RALGDS: variants seen among roughly 807,000 people sequenced by gnomAD.
The protein encoded by RALGDS is ral guanine nucleotide exchange factor.
Under a neutral mutation model 99.8 loss-of-function variants are expected in RALGDS, and 44 were observed. The ratio of observed to expected loss-of-function variants is 0.44; its 90% CI spans 0.35 to 0.57. The LOEUF (loss-of-function observed/expected upper bound fraction) is 0.57. Among genes scored for constraint, RALGDS ranks in the 20% least tolerant of loss-of-function variants. The pLI, the probability that RALGDS is intolerant of heterozygous loss-of-function variation, is 0.01. For missense variants in RALGDS, 1,022 were observed against 1,203.1 expected, an observed-to-expected ratio of 0.85 and a Z score of 2.23; for synonymous variants, 529 against 505.0, an observed-to-expected ratio of 1.05 and a Z score of -0.64.
chr9:133,137,563 A>G (rs1167880578), intron 1 of RALGDS, among the ~76,000 whole-genome samples: 1 of 152,204 alleles, frequency 6.6e-6, no homozygotes, highest in Admixed American at 6.5e-5. Context: ...CCCTCCCATT[A>G]AAGTGCTTTC....
chr9:133,104,364 C>A (rs598499), intron 9 of RALGDS, 33 bp from the exon 10 acceptor site: 23 of 1,579,080 alleles, frequency 1.5e-5, no homozygotes, highest in South Asian at 6.6e-5. Flanking sequence ...CAGCAAGGCC[C>A]TATCCCCTCA....
chr9:133,111,917 C>G (rs1831361583), intron 2 of RALGDS, 125 bp downstream of exon 2: 1 of 746,170 alleles, frequency 1.3e-6, no homozygotes, highest in Middle Eastern at 2.3e-4. Context: ...CTGGGCTGGA[C>G]AGTGGGGGTC....
chr9:133,121,239 C>A lies in RALGDS; in HGVS notation c.-85G>T. On this transcript the variant is annotated 5_prime_UTR_variant, in exon 1 of 18. Transcript: ENST00000372050. ...CCCGCGCGGCTGGGCTTTGCCACCG[C>A]TGTGAGCCCGCGGCCCGGCCCTGCT... 2 of 980,318 alleles carry A rather than the reference C, an allele frequency of 2.0e-6. No individual in the cohort carries two copies. Among genetic ancestry groups the A allele is most frequent in the Non-Finnish European group, 1.2e-6 (1 of 826,620 alleles). The allele number at this position is 980,318 out of a possible 1,614,324, so 60.7% of individuals were successfully genotyped here.
At position 133,118,244 on chromosome 9, in the gene RALGDS, G is replaced by A. The variant is rs559542400; in HGVS notation, c.183+2728C>T. Among the ~76,000 whole-genome samples, 15 of 152,352 alleles carry A rather than the reference G, an allele frequency of 9.8e-5. No individual in the cohort carries two copies. In the East Asian group the frequency reaches 2.9e-3, roughly 29 times the overall value. On this transcript the variant is annotated intron_variant, in intron 1 of 17. Coordinates refer to ENST00000372050, the MANE Select transcript of RALGDS (RefSeq NM_006266.4). ...ACACCCACACAGGGACAGGCCCTTT[G>A]CCTTGGGGTCTTCAGTGTCAAAGTG...
chr9:133,107,725 C>T lies in RALGDS; in HGVS notation c.1197+263G>A, dbSNP rs971351316. Among the ~76,000 whole-genome samples the T allele has an allele frequency of 5.2e-5, 8 of 152,386 alleles. No individual in the cohort carries two copies. In the Middle Eastern group the frequency reaches 0.01, roughly 194 times the overall value. On this transcript the variant is annotated intron_variant, in intron 6 of 17. Transcript: ENST00000372050. ...GCACCTTGGTGAGCACCCTCCGCTCCCACAGGCCAGGCCTGCTGAGCTTCC... is the reference window on the plus strand; with the variant it reads ...GCACCTTGGTGAGCACCCTCCGCTCTCACAGGCCAGGCCTGCTGAGCTTCC...
At position 133,108,392 on chromosome 9, in the gene RALGDS, G is replaced by A. The variant is rs1831176697; in HGVS notation, c.793C>T (p.Pro265Ser). ...AGCTCTGGAGTTGGTTTTAGAGCTG[G>A]CACTGGTGACAGAGCTGCAAGAGGA... ...EAEPEALSPV[P>S]ALKPTPELEL... Residue 265 changes from proline to serine, a missense_variant, in exon 6 of 18, where the codon CCA (proline) becomes TCA (serine). Coordinates refer to ENST00000372050, the MANE Select transcript of RALGDS (RefSeq NM_006266.4). 6.5e-7 allele frequency: 1 copy of A among 1,536,764 alleles called. No individual in the cohort carries two copies. Among genetic ancestry groups the A allele is most frequent in the Non-Finnish European group, 8.7e-7 (1 of 1,146,810 alleles).
rs377193380 is a variant in RALGDS at position 133,102,804 on chromosome 9, C to T, written c.1888G>A (p.Val630Met). Residue 630 changes from valine to methionine, a missense_variant, in exon 13 of 18, where the codon GTG becomes ATG. Around this residue, in one of 3 missense-constraint regions of RALGDS, gnomAD observed 825 missense variants for 994.5 expected, o/e 0.83. Coordinates refer to ENST00000372050, the MANE Select transcript of RALGDS (RefSeq NM_006266.4). ...DEQFGAWFRA[V>M]ERLSETESYN... ...CTCTCAGTCTCGCTGAGCCGCTCCA[C>T]GGCCCGGAACCAGGCCCCAAATTGC... is the stretch of plus-strand genomic sequence containing the variant. 7.3e-5 allele frequency: 118 copies of T among 1,613,050 alleles called. No individual in the cohort carries two copies. The highest frequency in any genetic ancestry group is 3.5e-4 in the South Asian group (32 of 90,968).
intron 17 of RALGDS, chr9:133,099,000 C>CT: frequency 1.9e-6 from 1 of 519,440 alleles, no homozygotes; most frequent in Non-Finnish European, 3.5e-6. Context: ...CAGAACCCCC[C>CT]GGCTTGGCCT....
intron 1 of RALGDS, among the ~76,000 whole-genome samples, chr9:133,114,078 G>C (rs1202995020): frequency 5.9e-5 from 9 of 152,210 alleles, no homozygotes; most frequent in African/African-American, 2.2e-4. Context: ...TGAGCTGGCA[G>C]GCCAGCAGCT....
At chr9:133,098,825 C>A in intron 17 of RALGDS, 63 bp from the exon 18 acceptor site, 1 of 1,525,394 alleles carries the variant, frequency 6.6e-7, no homozygotes, top group South Asian at 1.1e-5. Context: ...GATACCCCTA[C>A]CGCTTGAGAG....
rs1830762146 is a variant in RALGDS at position 133,101,660 on chromosome 9, T to C, written c.2314A>G (p.Thr772Ala). The change falls in exon 16 of 18, where the codon ACA becomes GCA. Residue 772 changes from threonine (T) to alanine (A), a missense_variant. Transcript: ENST00000372050. ...GAGACAGAGCGCTTGTGGGTGCGTG[T>C]GGCAGCCACGGGCGTGGTGGAGGCT... Reference protein sequence around the residue: ...SSASTTPVAATRTHKRSVSGL... With the variant: ...SSASTTPVAAARTHKRSVSGL... 1.2e-6 allele frequency: 2 copies of C among 1,613,894 alleles called. No individual in the cohort carries two copies. The highest frequency in any genetic ancestry group is 2.7e-5 in the African/African-American group (2 of 75,074).
intron 1 of RALGDS, among the ~76,000 whole-genome samples, chr9:133,136,307 G>C (rs1386298292): frequency 6.6e-6 from 1 of 152,256 alleles, no homozygotes; most frequent in Non-Finnish European, 1.5e-5. Flanking sequence ...AGGGCTGAGG[G>C]GGCAGCGCGG....
upstream of RALGDS, among the ~76,000 whole-genome samples, chr9:133,134,365 C>T (rs150815016): frequency 3.4e-3 from 522 of 152,334 alleles, 7 homozygotes; most frequent in African/African-American, 0.012. Flanking sequence ...CCCTTCGTAC[C>T]CTAGAGCCTA....
At position 133,109,711 on chromosome 9, in the gene RALGDS, A is replaced by G; in HGVS notation, c.499T>C (p.Cys167Arg). ...LDLLFKRYGRCDALTASSRYG... is the reference protein window; with the variant it reads ...LDLLFKRYGRRDALTASSRYG... ...CTAGAGGAGGCCGTGAGGGCGTCACATCTACCGTACCTGCTTATGACGTCT... is the reference window on the plus strand; with the variant it reads ...CTAGAGGAGGCCGTGAGGGCGTCACGTCTACCGTACCTGCTTATGACGTCT... The change falls in exon 4 of 18, where the codon TGT becomes CGT. Residue 167 changes from cysteine (C) to arginine (R), a missense_variant. Coordinates refer to ENST00000372050, the MANE Select transcript of RALGDS (RefSeq NM_006266.4). The G allele has an allele frequency of 6.2e-7, 1 of 1,613,588 alleles. No homozygotes were observed. Among genetic ancestry groups the G allele is most frequent in the Non-Finnish European group, 8.5e-7 (1 of 1,179,706 alleles).
Position 133,118,346 on chromosome 9 carries a change from G to A in RALGDS, c.183+2626C>T, listed in dbSNP as rs149467364. Among the ~76,000 whole-genome samples, 891 of 152,330 alleles carry A rather than the reference G, an allele frequency of 5.8e-3. 11 individuals are homozygous for A. The highest frequency in any genetic ancestry group is 0.02 in the African/African-American group (834 of 41,570). ...GATCAAACAGTGGGAAGACGCGGGA[G>A]GCTGAAGGGAGATGCTCCCTGTGAA... On this transcript the variant is annotated intron_variant, in intron 1 of 17. Transcript: ENST00000372050.
chr9:133,119,834 C>G (rs747532354), intron 1 of RALGDS, among the ~76,000 whole-genome samples: 1 of 152,192 alleles, frequency 6.6e-6, no homozygotes, highest in Non-Finnish European at 1.5e-5. Context: ...CTCTGCCCAA[C>G]ACTGGGCGGA....
rs188866476 is a variant in RALGDS at position 133,112,540 on chromosome 9, G to A, written c.184-388C>T. Among the ~76,000 whole-genome samples, 113 of 152,268 alleles carry A rather than the reference G, an allele frequency of 7.4e-4. No individual in the cohort carries two copies. The East Asian group carries it at 0.013, about 18-fold the overall frequency. On this transcript the variant is annotated intron_variant, in intron 1 of 17. Transcript: ENST00000372050. Reference sequence around the variant, plus strand: ...AACTGGTCCAAGGTCATGCTGCCTCGGGTAAGTGGTGAGGCAGGGACCCCA... The same window carrying A: ...AACTGGTCCAAGGTCATGCTGCCTCAGGTAAGTGGTGAGGCAGGGACCCCA...
intron 1 of RALGDS, 30 bp downstream of exon 1, chr9:133,120,941 AC>A (rs956777386): frequency 1.4e-4 from 209 of 1,464,890 alleles, no homozygotes; most frequent in Non-Finnish European, 1.6e-4. Context: ...GCTCCGACGC[AC>A]CCCCCGCCCG....
At position 133,107,225 on chromosome 9, in the gene RALGDS, G is replaced by A; in HGVS notation, c.1273C>T (p.His425Tyr). The A allele has an allele frequency of 3.1e-6, 5 of 1,613,750 alleles. 1 individual carries two copies. In the South Asian group the frequency reaches 5.5e-5, roughly 18 times the overall value. ...WSQRDKKGKE[H>Y]LAPTIRATVT... ...GTGGCGCGGATGGTGGGCGCCAGGTGCTCCTTGCCCTTCTTGTCCCGCTGG... is the reference window on the plus strand; with the variant it reads ...GTGGCGCGGATGGTGGGCGCCAGGTACTCCTTGCCCTTCTTGTCCCGCTGG... The change falls in exon 7 of 18, where the codon CAC becomes TAC. Residue 425 changes from histidine to tyrosine, a missense_variant. Physicochemically the swap from His to Tyr is moderately conservative, Grantham distance 83 (BLOSUM62 2). Transcript: ENST00000372050.
Sources: gnomAD v4.1 joint callset for allele counts (sites outside exome capture counted in the v4.1 genomes callset) on GRCh38, gnomAD v4.1.1 for gene constraint, gnomAD v4.1.1 regional missense constraint, MANE v1.5 for transcripts, NCBI Gene and HGNC (gene_info 2026-07-23, HGNC 2026-07-21) for gene names.